CAMK1G: variants seen among roughly 807,000 people sequenced by gnomAD.
The protein encoded by CAMK1G is calcium/calmodulin-dependent protein kinase type 1G.
Under a neutral mutation model 54.8 loss-of-function variants are expected in CAMK1G, and 27 were observed. The ratio of observed to expected loss-of-function variants is 0.49; its 90% CI spans 0.36 to 0.68. CAMK1G has a LOEUF of 0.68. Among genes scored for constraint, CAMK1G ranks in the 30% least tolerant of loss-of-function variants. The probability of loss-of-function intolerance (pLI) is 0.00; values close to 1 mark genes in which losing one functional copy is unlikely to be tolerated. For synonymous variants in CAMK1G, 238 were observed against 224.9 expected, an observed-to-expected ratio of 1.06 and a Z score of -0.52; for missense variants, 512 against 591.0, an observed-to-expected ratio of 0.87 and a Z score of 1.39.
chr1:209,589,210 G>A (rs1010197808), intron 1 of CAMK1G, among the ~76,000 whole-genome samples: 1 of 152,202 alleles, frequency 6.6e-6, no homozygotes, highest in Admixed American at 6.5e-5. Context: ...GTGACTCTGG[G>A]TGTGGGTAGA....
chr1:209,611,618 C>T, intron 10 of CAMK1G, 66 bp downstream of exon 10: 1 of 1,521,154 alleles, frequency 6.6e-7, no homozygotes, highest in East Asian at 2.3e-5. Context: ...CTGGCAGGGG[C>T]TGACATAAGG....
chr1:209,592,303 C>A (rs1405710440), intron 1 of CAMK1G, among the ~76,000 whole-genome samples: 1 of 147,122 alleles, frequency 6.8e-6, no homozygotes, highest in Non-Finnish European at 1.5e-5. Context: ...AATGATCACA[C>A]CACTGCACTC....
At position 209,605,684 on chromosome 1, in the gene CAMK1G, C is replaced by T; in HGVS notation, c.435+10C>T. ...CCACAGAGACTTAAAGGTGTCAAGGCGGGAGTCCTGGGTGGGAAACAGATA... is the reference window on the plus strand; with the variant it reads ...CCACAGAGACTTAAAGGTGTCAAGGTGGGAGTCCTGGGTGGGAAACAGATA... On this transcript the variant is annotated intron_variant, in intron 5 of 12. Transcript: ENST00000361322. 12 of 1,610,984 alleles carry T rather than the reference C, an allele frequency of 7.4e-6. No individual in the cohort carries two copies. The highest frequency in any genetic ancestry group is 1.3e-5 in the African/African-American group (1 of 74,954).
chr1:209,609,177 C>T, intron 8 of CAMK1G, 85 bp downstream of exon 8: 1 of 1,535,582 alleles, frequency 6.5e-7, no homozygotes, highest in Non-Finnish European at 8.9e-7. Context: ...GATGACAGTC[C>T]CGGCTCTTCA....
In CAMK1G at chr1:209,608,521, T is replaced by A. The variant is rs1243602172; in HGVS notation, c.636-459T>A. Among the ~76,000 whole-genome samples, 7 of 152,230 alleles carry A rather than the reference T, an allele frequency of 4.6e-5. 1 individual carries two copies. The highest frequency in any genetic ancestry group is 1.7e-4 in the African/African-American group (7 of 41,452). On this transcript the variant is annotated intron_variant, in intron 7 of 12. Transcript: ENST00000361322. ...AATTATCTCCTCCATTTATGTTGAATAAGTACTCTCATTTATTTACCCAAC... is the reference window on the plus strand; with the variant it reads ...AATTATCTCCTCCATTTATGTTGAAAAAGTACTCTCATTTATTTACCCAAC...
At position 209,611,886 on chromosome 1, in the gene CAMK1G, C is replaced by T. The variant is rs568676041; in HGVS notation, c.1010C>T (p.Pro337Leu). Residue 337 changes from proline to leucine, a missense_variant, in exon 11 of 13, where the codon CCG (proline) becomes CTG (leucine). Physicochemically the swap from Pro to Leu is moderately conservative, Grantham distance 98 (BLOSUM62 -3). Coordinates refer to ENST00000361322, the MANE Select transcript of CAMK1G (RefSeq NM_020439.3). ...GTCCGCCCAGAGGTGGAGAACAGGC[C>T]GCCTGAAACTCAAGCCTCAGAAACC... ...PGVRPEVENR[P>L]PETQASETSR... 5 of 1,614,266 alleles carry T rather than the reference C, an allele frequency of 3.1e-6. No individual in the cohort carries two copies. The highest frequency in any genetic ancestry group is 1.1e-5 in the South Asian group (1 of 91,092).
At chr1:209,609,702 AT>A (rs201568485) in intron 8 of CAMK1G, 148 bp from the exon 9 acceptor site, 13 of 739,450 alleles carry the variant, frequency 1.8e-5, no homozygotes, top group East Asian at 2.7e-5. Flanking sequence ...GGTGGTTTGG[AT>A]TTTTTTTCCT....
intron 1 of CAMK1G, among the ~76,000 whole-genome samples, chr1:209,588,295 T>C (rs955887085): frequency 2.1e-4 from 32 of 152,302 alleles, no homozygotes; most frequent in African/African-American, 7.5e-4. Flanking sequence ...ACTATGATTG[T>C]TCCTACACTG....
At chr1:209,593,075 A>G (rs1319514103) in intron 1 of CAMK1G, among the ~76,000 whole-genome samples, 5 of 152,244 alleles carry the variant, frequency 3.3e-5, no homozygotes, top group East Asian at 1.9e-4. Flanking sequence ...AACCTTTACC[A>G]TATCTTAAAG....
At position 209,594,948 on chromosome 1, in the gene CAMK1G, A is replaced by T. The variant is rs1356358497; in HGVS notation, c.-29-7A>T. The T allele has an allele frequency of 6.3e-7, 1 of 1,587,452 alleles. No homozygotes were observed. The highest frequency in any genetic ancestry group is 1.3e-5 in the African/African-American group (1 of 74,092). ...TTCTCCTCCTTCTCCCACTCCCTGCAATAAAGCATCCTCAGAAGCTTCAAC... is the reference window on the plus strand; with the variant it reads ...TTCTCCTCCTTCTCCCACTCCCTGCTATAAAGCATCCTCAGAAGCTTCAAC... On this transcript the variant is annotated splice_region_variant and splice_polypyrimidine_tract_variant and intron_variant, in intron 1 of 12. Transcript: ENST00000361322.
chr1:209,609,142 G>T (rs1665719727), intron 8 of CAMK1G, 50 bp downstream of exon 8: 1 of 1,611,008 alleles, frequency 6.2e-7, no homozygotes, highest in Admixed American at 1.7e-5. Flanking sequence ...GGTAGAGGCT[G>T]CCAAGAGAAA....
At chr1:209,588,070 A>G (rs1665146146) in intron 1 of CAMK1G, among the ~76,000 whole-genome samples, 2 of 152,244 alleles carry the variant, frequency 1.3e-5, no homozygotes, top group African/African-American at 4.8e-5. Context: ...GGCATGATCC[A>G]GAAGGCTCTG....
rs185632658 is a variant in CAMK1G, at chr1:209,612,191, C to T, written c.1315C>T (p.Leu439Phe). The T allele has an allele frequency of 7.3e-5, 118 of 1,614,002 alleles. 1 individual carries two copies. The highest frequency in any genetic ancestry group is 5.1e-6 in the Non-Finnish European group (6 of 1,179,962). Reference sequence around the variant, plus strand: ...GTCCTCCTACTGCTCTGAGCCCACACTCCTCAAAAAGGCCAACAAAAAACA... The same window carrying T: ...GTCCTCCTACTGCTCTGAGCCCACATTCCTCAAAAAGGCCAACAAAAAACA... ...GKSSYCSEPT[L>F]LKKANKKQNF... The change falls in exon 11 of 13, where the codon CTC (leucine) becomes TTC (phenylalanine). Residue 439 changes from leucine (L) to phenylalanine (F), a missense_variant. By Grantham distance (22) the Leu-to-Phe change is conservative. This residue lies in a region of CAMK1G where 315 missense variants were observed against 330.5 expected (regional missense o/e 0.95). Coordinates refer to ENST00000361322, the MANE Select transcript of CAMK1G (RefSeq NM_020439.3).
chr1:209,612,323 A>G (rs1040254887), intron 11 of CAMK1G, 107 bp downstream of exon 11: 3 of 1,220,820 alleles, frequency 2.5e-6, no homozygotes, highest in South Asian at 1.5e-5. Flanking sequence ...ATAGGCAGCT[A>G]TATAGGGAGG....
chr1:209,606,174 A>C, intron 5 of CAMK1G, 146 bp from the exon 6 acceptor site: 2 of 1,016,582 alleles, frequency 2.0e-6, no homozygotes, highest in Non-Finnish European at 2.9e-6. Context: ...TGCAGGTAGG[A>C]GGAAGAAGGG....
rs35561962 is a variant in CAMK1G, at chr1:209,609,877, G to C, written c.775G>C (p.Glu259Gln). The stretch of plus-strand genomic sequence containing the variant: ...CAAGGACTTTATTTGCCACTTGCTT[G>C]AGAAGGATCCGAACGAGCGGTACAC... ...SAKDFICHLL[E>Q]KDPNERYTCE... Residue 259 changes from glutamate (E) to glutamine (Q), a missense_variant, in exon 9 of 13, where the codon GAG becomes CAG. By Grantham distance (29) the Glu-to-Gln change is conservative. This residue lies in a region of CAMK1G where 315 missense variants were observed against 330.5 expected (regional missense o/e 0.95). Coordinates refer to ENST00000361322, the MANE Select transcript of CAMK1G (RefSeq NM_020439.3). 1.7e-3 allele frequency: 2,689 copies of C among 1,614,146 alleles called. 5 individuals carry two copies. The highest frequency in any genetic ancestry group is 2.1e-3 in the Non-Finnish European group (2,520 of 1,180,010).
chr1:209,597,411 C>T (rs1665416654), intron 2 of CAMK1G, among the ~76,000 whole-genome samples: 1 of 152,176 alleles, frequency 6.6e-6, no homozygotes, highest in Non-Finnish European at 1.5e-5. Context: ...TAGACCAATA[C>T]TAATCTTAGT....
At chr1:209,596,691 A>G (rs970235705) in intron 2 of CAMK1G, among the ~76,000 whole-genome samples, 1 of 132,100 alleles carries the variant, frequency 7.6e-6, no homozygotes, top group African/African-American at 3.1e-5. Flanking sequence ...ACACACACAC[A>G]CACACACACA....
At chr1:209,592,836 T>C (rs1665291541) in intron 1 of CAMK1G, among the ~76,000 whole-genome samples, 1 of 152,214 alleles carries the variant, frequency 6.6e-6, no homozygotes, top group African/African-American at 2.4e-5. Flanking sequence ...CTAAGTCTCA[T>C]AGTTGTGTTT....
Sources: allele counts gnomAD v4.1 joint callset (sites outside exome capture counted in the v4.1 genomes callset), GRCh38; gene constraint gnomAD v4.1.1; regional missense constraint gnomAD v4.1.1; transcripts MANE v1.5; gene names NCBI Gene and HGNC (gene_info 2026-07-23, HGNC 2026-07-21).